The following RYR2 variants were observed in gnomAD, a reference collection of about 807,000 sequenced individuals.
The protein encoded by RYR2 is cardiac muscle ryanodine receptor-calcium release channel.
Under a neutral mutation model 601.1 loss-of-function variants are expected in RYR2, and 227 were observed. The ratio of observed to expected loss-of-function variants is 0.38; its 90% confidence interval spans 0.34 to 0.42. RYR2 has a LOEUF of 0.42. Ranked by LOEUF, RYR2 falls within the 10% of genes least tolerant of loss-of-function variation. The pLI, the probability that RYR2 is intolerant of heterozygous loss-of-function variation, is 1.00. For missense variants in RYR2, 4,646 were observed against 6,156.5 expected, an observed-to-expected ratio of 0.75 and a Z score of 8.21; for synonymous variants, 2,223 against 2,175.1, an observed-to-expected ratio of 1.02 and a Z score of -0.61.
At chr1:237,193,093 TGGGC>T (rs1680154496) in intron 1 of RYR2, among the ~76,000 whole-genome samples, 1 of 138,290 alleles carries the variant, frequency 7.2e-6, no homozygotes, top group African/African-American at 2.7e-5. Context: ...GAGGCCGAGG[TGGGC>T]GGATCACGAG....
chr1:237,256,973 T>G (rs1309867101), intron 1 of RYR2, among the ~76,000 whole-genome samples: 1 of 152,200 alleles, frequency 6.6e-6, no homozygotes, highest in Non-Finnish European at 1.5e-5. Context: ...TTCAAACCAA[T>G]TTGCTTGGCA....
rs1466932341 is a variant in RYR2, at chr1:237,473,431, C to CTTTCTTTCTTTCTTTCTTTCTT, written c.1708+4245_1708+4246insTTCTTTCTTTCTTTCTTTCTTT. On this transcript the variant is annotated intron_variant, in intron 17 of 104. Coordinates refer to ENST00000366574, the MANE Select transcript of RYR2 (RefSeq NM_001035.3). ...AGAACGAGACTCCATCTCTCTCTCT[C>CTTTCTTTCTTTCTTTCTTTCTT]TCTTTCTTTCTTTCTTTCTTTCTTT... Among the ~76,000 whole-genome samples the CTTTCTTTCTTTCTTTCTTTCTT allele has an allele frequency of 5.0e-3, 577 of 115,834 alleles. 10 individuals are homozygous for CTTTCTTTCTTTCTTTCTTTCTT. Among genetic ancestry groups the CTTTCTTTCTTTCTTTCTTTCTT allele is most frequent in the African/African-American group, 0.018 (559 of 31,550 alleles). 76.0% of individuals were successfully genotyped at this position (115,834 alleles called of 152,430 possible). A position where few individuals can be genotyped will look rare whatever the true frequency, so the allele number is the denominator to read the frequency against.
rs794728804 is a variant in RYR2, at chr1:237,808,913, G to A, written c.14311G>A (p.Val4771Ile). 6.2e-7 allele frequency: 1 copy of A among 1,613,410 alleles called. No homozygotes were observed. Among genetic ancestry groups the A allele is most frequent in the Non-Finnish European group, 8.5e-7 (1 of 1,179,626 alleles). Residue 4771 changes from valine (V) to isoleucine (I), a missense_variant, in exon 100 of 105, where the codon GTT becomes ATT. By Grantham distance (29) the Val-to-Ile change is conservative. Transcript: ENST00000366574. ...CATTGTTTTCCAGCTCGTATTAACC[G>A]TTGGCTTATTAGCTGTTGTTGTATA... ...THNGKQLVLT[V>I]GLLAVVVYLY...
chr1:237,281,025 TCC>T (rs1326251936), intron 2 of RYR2, among the ~76,000 whole-genome samples: 2 of 152,176 alleles, frequency 1.3e-5, no homozygotes, highest in African/African-American at 4.8e-5. Context: ...CCTTAGGTGA[TCC>T]GCCTGCCTCA....
chr1:237,743,649 T>A (rs1196339943), intron 80 of RYR2: 1 of 517,528 alleles, frequency 1.9e-6, no homozygotes, highest in Non-Finnish European at 3.9e-6. Flanking sequence ...TGTGTGTATT[T>A]GTCTGGGTCT....
chr1:237,648,682 A>T (rs1326309907), intron 49 of RYR2, 69 bp downstream of exon 49: 8 of 1,457,484 alleles, frequency 5.5e-6, no homozygotes, highest in Non-Finnish European at 7.4e-6. Context: ...GTTCTTTTTT[A>T]TATATCCATT....
intron 87 of RYR2, among the ~76,000 whole-genome samples, chr1:237,774,211 G>A (rs1190424476): frequency 6.6e-6 from 1 of 151,948 alleles, no homozygotes; most frequent in African/African-American, 2.4e-5. Context: ...TTTGCTTGAT[G>A]ACCAGTCATC....
In RYR2 at chr1:237,723,274, T is replaced by C; in HGVS notation, c.10689+12T>C. ...TTCATCTTGAACAGGTCAGGCTTTG[T>C]GTCAATTCAATCATATTTGCCTTAG... On this transcript the variant is annotated intron_variant, in intron 74 of 104. Coordinates refer to ENST00000366574, the MANE Select transcript of RYR2 (RefSeq NM_001035.3). 1 of 1,603,342 alleles carries C rather than the reference T, an allele frequency of 6.2e-7. No individual in the cohort carries two copies. Among genetic ancestry groups the C allele is most frequent in the Non-Finnish European group, 8.5e-7 (1 of 1,173,858 alleles).
At chr1:237,293,316 C>A (rs1195877900) in intron 2 of RYR2, among the ~76,000 whole-genome samples, 1 of 152,192 alleles carries the variant, frequency 6.6e-6, no homozygotes, top group Admixed American at 6.5e-5. Context: ...AAGCGATTCT[C>A]ATGTCTCAGC....
At chr1:237,815,501 T>A (rs987956535) in intron 100 of RYR2, among the ~76,000 whole-genome samples, 1 of 152,214 alleles carries the variant, frequency 6.6e-6, no homozygotes. Flanking sequence ...TTTTTAAATT[T>A]GGTAATTTAT....
intron 3 of RYR2, among the ~76,000 whole-genome samples, chr1:237,332,188 G>T (rs932750726): frequency 1.3e-5 from 2 of 152,050 alleles, no homozygotes; most frequent in African/African-American, 2.4e-5. Flanking sequence ...CCATAGAAAG[G>T]AGTGATCAGT....
At position 237,377,399 on chromosome 1, in the gene RYR2, C is replaced by T; in HGVS notation, c.540C>T (p.Asp180=). 1.2e-6 allele frequency: 2 copies of T among 1,613,650 alleles called. No individual in the cohort carries two copies. Among genetic ancestry groups the T allele is most frequent in the Non-Finnish European group, 8.5e-7 (1 of 1,179,694 alleles). Residue 180 remains aspartate, a synonymous_variant, in exon 8 of 105, where the codon GAC becomes GAT. Transcript: ENST00000366574. ...SEGEKVRVGD[D]LILVSVSSER... ...GAGAAAAAGTACGAGTTGGAGATGA[C>T]CTCATCTTAGTTAGCGTGTCCTCTG... is the stretch of plus-strand genomic sequence containing the variant.
intron 23 of RYR2, among the ~76,000 whole-genome samples, chr1:237,510,715 A>G (rs1057233305): frequency 1.3e-5 from 2 of 152,242 alleles, no homozygotes; most frequent in African/African-American, 4.8e-5. Flanking sequence ...CCCTGACAGC[A>G]TATGGCTGCC....
Position 237,731,891 on chromosome 1 carries a change from T to TACACACACACACAC in RYR2, c.10936-140_10936-127dup, listed in dbSNP as rs71561898. 3.7e-3 allele frequency among the ~76,000 whole-genome samples: 540 copies of TACACACACACACAC among 147,388 alleles called. 4 individuals carry two copies. Among genetic ancestry groups the TACACACACACACAC allele is most frequent in the South Asian group, 0.015 (70 of 4,584 alleles). On this transcript the variant is annotated intron_variant, in intron 77 of 104. Transcript: ENST00000366574. Reference sequence around the variant, plus strand: ...TATAGCATGTATAATGCATATAAAATACACACACACACACACACACACACA... The same window carrying TACACACACACACAC: ...TATAGCATGTATAATGCATATAAAATACACACACACACACACACACACACACACACACACACACA...
chr1:237,708,133 T>C (rs1688536071), intron 68 of RYR2, among the ~76,000 whole-genome samples: 1 of 151,992 alleles, frequency 6.6e-6, no homozygotes, highest in Non-Finnish European at 1.5e-5. Context: ...GAAATACTCA[T>C]ATTATGAAGG....
chr1:237,656,767 G>A (rs1264403221), intron 53 of RYR2, among the ~76,000 whole-genome samples: 2 of 152,152 alleles, frequency 1.3e-5, no homozygotes, highest in African/African-American at 4.8e-5. Flanking sequence ...AGCTGATTTA[G>A]CTTCCATAAC....
At chr1:237,339,127 C>T (rs1450582965) in intron 3 of RYR2, among the ~76,000 whole-genome samples, 1 of 152,072 alleles carries the variant, frequency 6.6e-6, no homozygotes, top group East Asian at 1.9e-4. Flanking sequence ...GTATGTAAAA[C>T]TGTGACCATA....
At chr1:237,153,158 G>T (rs190121235) in intron 1 of RYR2, among the ~76,000 whole-genome samples, 13 of 152,274 alleles carry the variant, frequency 8.5e-5, no homozygotes, top group Non-Finnish European at 1.8e-4. Flanking sequence ...TGAAGGTCTG[G>T]ACAAAGAGTA....
chr1:237,174,233 C>G (rs1012223247), intron 1 of RYR2, among the ~76,000 whole-genome samples: 4 of 151,928 alleles, frequency 2.6e-5, no homozygotes, highest in African/African-American at 9.7e-5. Flanking sequence ...GAGGATGGTG[C>G]GTTTATAATA....
Sources: allele counts gnomAD v4.1 joint callset (sites outside exome capture counted in the v4.1 genomes callset), GRCh38; gene constraint gnomAD v4.1.1; transcripts MANE v1.5; gene names NCBI Gene and HGNC (gene_info 2026-07-23, HGNC 2026-07-21).